The following SUPT3H variants were observed in gnomAD, a reference collection of about 807,000 sequenced individuals.
The protein encoded by SUPT3H is transcription initiation protein SPT3 homolog.
Under a neutral mutation model 44.3 loss-of-function variants are expected in SUPT3H, and 44 were observed. The ratio of observed to expected loss-of-function variants is 0.99; its 90% CI spans 0.78 to 1.28. The LOEUF is 1.28. Among genes scored for constraint, SUPT3H ranks in the 50% most tolerant of loss-of-function variants. The pLI, the probability that SUPT3H is intolerant of heterozygous loss-of-function variation, is 0.00. For synonymous variants in SUPT3H, 124 were observed against 125.6 expected (o/e 0.99, Z 0.09); for missense variants, 380 against 387.1 (o/e 0.98, Z 0.15).
chr6:44,836,033 A>G (rs537534786), intron 10 of SUPT3H, among the ~76,000 whole-genome samples: 2 of 152,252 alleles, frequency 1.3e-5, no homozygotes, highest in South Asian at 2.1e-4. Context: ...AAAGCTATGC[A>G]ATCGCTTTTT....
chr6:45,216,730 G>A (rs1473195638), intron 2 of SUPT3H, among the ~76,000 whole-genome samples: 1 of 152,092 alleles, frequency 6.6e-6, no homozygotes, highest in Admixed American at 6.5e-5. Context: ...ATGATAAATG[G>A]ATCAAAACTG....
In SUPT3H at chr6:45,103,731, C is replaced by T. The variant is rs181728962; in HGVS notation, c.186+2191G>A. On this transcript the variant is annotated intron_variant, in intron 3 of 10. Coordinates refer to ENST00000371459, the MANE Select transcript of SUPT3H (RefSeq NM_003599.4). The stretch of plus-strand genomic sequence containing the variant: ...TAAAACTTATGGCTGAAAACTTCCA[C>T]GAATTGATACCTAGTGTTCAACAAG... 1.4e-4 allele frequency among the ~76,000 whole-genome samples: 21 copies of T among 152,190 alleles called. 1 individual carries two copies. The highest frequency in any genetic ancestry group is 3.9e-4 in the Admixed American group (6 of 15,290).
intron 9 of SUPT3H, among the ~76,000 whole-genome samples, chr6:44,937,564 T>C (rs1017432319): frequency 6.6e-6 from 1 of 152,054 alleles, no homozygotes; most frequent in Non-Finnish European, 1.5e-5. Context: ...TGTACATGAG[T>C]TCCCTTTTCT....
At chr6:44,926,531 A>G (rs1769544112) in intron 10 of SUPT3H, among the ~76,000 whole-genome samples, 1 of 152,164 alleles carries the variant, frequency 6.6e-6, no homozygotes, top group Non-Finnish European at 1.5e-5. Flanking sequence ...AAATAAATCT[A>G]ATGCCCTACA....
At chr6:44,906,154 C>T (rs762920719) in intron 10 of SUPT3H, among the ~76,000 whole-genome samples, 1 of 151,884 alleles carries the variant, frequency 6.6e-6, no homozygotes, top group Non-Finnish European at 1.5e-5. Flanking sequence ...GCACATGTAC[C>T]CTAAAACCTA....
intron 11 of SUPT3H, among the ~76,000 whole-genome samples, chr6:44,818,950 C>T (rs1254110181): frequency 2.6e-5 from 4 of 152,182 alleles, no homozygotes; most frequent in African/African-American, 9.7e-5. Flanking sequence ...TACCATGAGT[C>T]AGTAATCCCA....
chr6:44,878,863 C>A (rs553094095), intron 10 of SUPT3H, among the ~76,000 whole-genome samples: 3 of 152,220 alleles, frequency 2.0e-5, no homozygotes, highest in African/African-American at 7.2e-5. Flanking sequence ...CCGTGAGGGA[C>A]CATGCTGTGA....
In SUPT3H at chr6:45,227,939, T is replaced by G. The variant is rs940946014; in HGVS notation, c.102-121933A>C. Among the ~76,000 whole-genome samples, 5 of 152,274 alleles carry G rather than the reference T, an allele frequency of 3.3e-5. No homozygotes were observed. In the South Asian group the frequency reaches 1.0e-3, roughly 32 times the overall value. Reference sequence around the variant, plus strand: ...CAAAATGAAACTTTTATATTTTAATTTTTATCAAGATAATAAGAATGGCGA... The same window carrying G: ...CAAAATGAAACTTTTATATTTTAATGTTTATCAAGATAATAAGAATGGCGA... On this transcript the variant is annotated intron_variant, in intron 2 of 10. Coordinates refer to ENST00000371459, the MANE Select transcript of SUPT3H (RefSeq NM_003599.4).
intron 2 of SUPT3H, among the ~76,000 whole-genome samples, chr6:45,191,182 G>A (rs1815070186): frequency 6.6e-6 from 1 of 151,918 alleles, no homozygotes; most frequent in South Asian, 2.1e-4. Flanking sequence ...TCCTTCAATA[G>A]GCAAATGGAT....
intron 2 of SUPT3H, among the ~76,000 whole-genome samples, chr6:45,233,034 A>C (rs1397157284): frequency 6.6e-6 from 1 of 151,996 alleles, no homozygotes; most frequent in African/African-American, 2.4e-5. Flanking sequence ...TAGGCCGAGC[A>C]CACAGTTTAT....
At chr6:44,813,655 A>AT (rs1197937761) in intron 11 of SUPT3H, among the ~76,000 whole-genome samples, 3,963 of 146,516 alleles carry the variant, frequency 0.027, 187 homozygotes, top group African/African-American at 0.091. Context: ...TGGAACTGGA[A>AT]TTTTTTTTTT....
intron 2 of SUPT3H, among the ~76,000 whole-genome samples, chr6:45,173,406 A>G (rs1562605100): frequency 6.6e-6 from 1 of 152,224 alleles, no homozygotes; most frequent in Admixed American, 6.5e-5. Flanking sequence ...CTGTGCTAAG[A>G]GCTTCATAAA....
chr6:45,321,739 C>T, intron 2 of SUPT3H: 2 of 1,205,708 alleles, frequency 1.7e-6, no homozygotes, highest in Non-Finnish European at 2.4e-6. Flanking sequence ...ATTCTCTCTT[C>T]TACCCATAAA....
At chr6:45,176,589 T>G (rs1473915216) in intron 2 of SUPT3H, among the ~76,000 whole-genome samples, 1 of 152,146 alleles carries the variant, frequency 6.6e-6, no homozygotes, top group Non-Finnish European at 1.5e-5. Context: ...CAAGGAGACC[T>G]GCCTGCCTCT....
intron 10 of SUPT3H, among the ~76,000 whole-genome samples, chr6:44,870,524 A>C (rs1776206599): frequency 6.7e-6 from 1 of 150,036 alleles, no homozygotes; most frequent in Non-Finnish European, 1.5e-5. Context: ...ACTTGAGCCC[A>C]GGAGGTCGAG....
intron 9 of SUPT3H, among the ~76,000 whole-genome samples, chr6:44,934,567 G>T (rs1771116681): frequency 2.6e-5 from 4 of 152,194 alleles, no homozygotes; most frequent in African/African-American, 9.7e-5. Flanking sequence ...CCCACAAAGT[G>T]ATGGTATTAG....
intron 2 of SUPT3H, among the ~76,000 whole-genome samples, chr6:45,293,504 A>G (rs1284866345): frequency 6.9e-6 from 1 of 144,604 alleles, no homozygotes; most frequent in Non-Finnish European, 1.6e-5. Context: ...GAACTAAACG[A>G]AACTGAAACA....
At chr6:45,206,319 G>A (rs1057262740) in intron 2 of SUPT3H, among the ~76,000 whole-genome samples, 3 of 152,034 alleles carry the variant, frequency 2.0e-5, no homozygotes, top group Non-Finnish European at 4.4e-5. Flanking sequence ...CAAATATGGC[G>A]ATCAATGAGG....
rs1434172969 is a variant in SUPT3H at position 44,905,379 on chromosome 6, C to G, written c.912+27274G>C. Reference sequence around the variant, plus strand: ...GCAAAGGATACGAACAGACACTTCTCAAAAGAAGACATTTATGCAGCCGAA... The same window carrying G: ...GCAAAGGATACGAACAGACACTTCTGAAAAGAAGACATTTATGCAGCCGAA... On this transcript the variant is annotated intron_variant, in intron 10 of 10. Coordinates refer to ENST00000371459, the MANE Select transcript of SUPT3H (RefSeq NM_003599.4). Among the ~76,000 whole-genome samples, 4 of 151,562 alleles carry G rather than the reference C, an allele frequency of 2.6e-5. No individual in the cohort carries two copies. In the Middle Eastern group the frequency reaches 0.01, roughly 387 times the overall value.
Sources: allele counts gnomAD v4.1 joint callset (sites outside exome capture counted in the v4.1 genomes callset), GRCh38; gene constraint gnomAD v4.1.1; transcripts MANE v1.5; gene names NCBI Gene and HGNC (gene_info 2026-07-23, HGNC 2026-07-21).